The following PPP1R12B variants were observed in gnomAD, a reference collection of about 807,000 sequenced individuals.
PPP1R12B encodes myosin phosphatase target subunit 2.
Under a neutral mutation model 126.1 loss-of-function variants are expected in PPP1R12B, and 76 were observed. The ratio of observed to expected loss-of-function variants is 0.60; its 90% CI spans 0.50 to 0.73. The LOEUF is 0.73. PPP1R12B is among the 30% of genes least tolerant of loss of function. PPP1R12B has a pLI of 0.00. For synonymous variants in PPP1R12B, 356 were observed against 434.7 expected, an observed-to-expected ratio of 0.82 and a Z score of 2.25; for missense variants, 1,052 against 1,205.1, an observed-to-expected ratio of 0.87 and a Z score of 1.88.
chr1:202,388,225 C>T (rs1370221436), intron 1 of PPP1R12B, among the ~76,000 whole-genome samples: 7 of 151,996 alleles, frequency 4.6e-5, no homozygotes, highest in Admixed American at 2.0e-4. Flanking sequence ...ACTCTGTCAC[C>T]GAGGCTGAAG....
chr1:202,439,165 G>A, intron 10 of PPP1R12B: 1 of 1,578,366 alleles, frequency 6.3e-7, no homozygotes, highest in Non-Finnish European at 8.7e-7. Context: ...TGAACAACCT[G>A]GCGGCCTCGC....
intron 1 of PPP1R12B, among the ~76,000 whole-genome samples, chr1:202,397,338 T>C (rs1177991488): frequency 6.6e-6 from 1 of 152,220 alleles, no homozygotes; most frequent in African/African-American, 2.4e-5. Context: ...CCATGCTAAA[T>C]TTGTTTTTCT....
At chr1:202,439,940 C>G in intron 10 of PPP1R12B, 1 of 167,104 alleles carries the variant, frequency 6.0e-6, no homozygotes, top group Admixed American at 5.8e-5. Context: ...GCCTCCTACC[C>G]TGCAAAAAAA....
Position 202,583,174 on chromosome 1 carries a change from T to C in PPP1R12B, c.*2614T>C, listed in dbSNP as rs705752. 1 allele frequency: 152,041 copies of C among 152,288 alleles called. 75,897 individuals are homozygous for C. The highest frequency in any genetic ancestry group is 1 in the East Asian group (5,174 of 5,174). The allele number at this position is 152,288 out of a possible 1,614,324, so 9.4% of individuals were successfully genotyped here. A position where few individuals can be genotyped will look rare whatever the true frequency, so the allele number is the denominator to read the frequency against. Reference sequence around the variant, plus strand: ...GATTATCCTGGAACATTTTGAATATTGGGGAAGGAAGATGATACTTCTTTC... The same window carrying C: ...GATTATCCTGGAACATTTTGAATATCGGGGAAGGAAGATGATACTTCTTTC... On this transcript the variant is annotated 3_prime_UTR_variant, in exon 24 of 24. Transcript: ENST00000608999.
chr1:202,377,908 C>T (rs1227337137), intron 1 of PPP1R12B, among the ~76,000 whole-genome samples: 12 of 133,182 alleles, frequency 9.0e-5, no homozygotes, highest in Admixed American at 3.2e-4. Flanking sequence ...GGCGCGATCT[C>T]GGCTCACTGC....
chr1:202,468,003 T>C (rs1415218351), intron 13 of PPP1R12B, among the ~76,000 whole-genome samples: 18 of 152,256 alleles, frequency 1.2e-4, no homozygotes, highest in Admixed American at 6.5e-5. Flanking sequence ...CATGTGTTTT[T>C]TGGCTGCATA....
chr1:202,398,983 A>C (rs1665412459), intron 1 of PPP1R12B, among the ~76,000 whole-genome samples: 1 of 152,012 alleles, frequency 6.6e-6, no homozygotes, highest in African/African-American at 2.4e-5. Flanking sequence ...TACTAAACAT[A>C]TATATATATT....
chr1:202,532,201 C>T (rs1458028233), intron 18 of PPP1R12B, among the ~76,000 whole-genome samples: 1 of 152,154 alleles, frequency 6.6e-6, no homozygotes, highest in African/African-American at 2.4e-5. Flanking sequence ...TGTCTCTTAG[C>T]ATGCTGATAT....
rs771239626 is a variant in PPP1R12B, at chr1:202,425,594, A to G, written c.570A>G (p.Glu190=). 5 of 1,613,984 alleles carry G rather than the reference A, an allele frequency of 3.1e-6. No individual in the cohort carries two copies. Among genetic ancestry groups the G allele is most frequent in the Non-Finnish European group, 2.5e-6 (3 of 1,179,854 alleles). The change falls in exon 4 of 24, where the codon GAA becomes GAG. Residue 190 remains glutamate, a synonymous_variant. Transcript: ENST00000608999. ...QGVDLEQSRK[E]EEQQMLQDAR... is the part of the protein sequence containing the mutation. Reference sequence around the variant, plus strand: ...TTGATCTAGAGCAGTCAAGAAAAGAAGAAGAGCAGCAGATGTTGCAGGATG... The same window carrying G: ...TTGATCTAGAGCAGTCAAGAAAAGAGGAAGAGCAGCAGATGTTGCAGGATG...
At chr1:202,436,311 T>G (rs1572008809) in intron 9 of PPP1R12B, among the ~76,000 whole-genome samples, 1 of 152,048 alleles carries the variant, frequency 6.6e-6, no homozygotes, top group East Asian at 1.9e-4. Flanking sequence ...CACATTCTAC[T>G]TTGCTAAAAT....
chr1:202,393,201 A>T (rs1285476109), intron 1 of PPP1R12B, among the ~76,000 whole-genome samples: 3 of 152,040 alleles, frequency 2.0e-5, no homozygotes, highest in Non-Finnish European at 4.4e-5. Context: ...ACCTACCTTG[A>T]TCTCCCAAAG....
intron 18 of PPP1R12B, among the ~76,000 whole-genome samples, chr1:202,552,885 T>G (rs1572483551): frequency 6.6e-6 from 1 of 152,210 alleles, no homozygotes. Context: ...GGTAGGAGTT[T>G]GGTTTTAATT....
At chr1:202,399,757 A>G (rs569760802) in intron 1 of PPP1R12B, among the ~76,000 whole-genome samples, 1 of 152,220 alleles carries the variant, frequency 6.6e-6, no homozygotes, top group African/African-American at 2.4e-5. Flanking sequence ...CAGCCTCCCA[A>G]AGTGCTGGGA....
chr1:202,431,848 T>C (rs1670230658), intron 8 of PPP1R12B, among the ~76,000 whole-genome samples: 1 of 152,164 alleles, frequency 6.6e-6, no homozygotes, highest in Non-Finnish European at 1.5e-5. Context: ...CACAAAGAAT[T>C]CTTAGGTGAA....
intron 13 of PPP1R12B, among the ~76,000 whole-genome samples, chr1:202,476,572 A>G (rs1270136663): frequency 6.6e-6 from 1 of 151,610 alleles, no homozygotes; most frequent in African/African-American, 2.4e-5. Flanking sequence ...AGTTCCAGCA[A>G]CTCGGGAGGC....
Position 202,508,482 on chromosome 1 carries a change from T to A in PPP1R12B, c.2490+11660T>A, listed in dbSNP as rs573953636. ...CTAGCATAATACATAATACAAGTAC[T>A]TATTATGGTCTTGGAGCTTATAGCT... is the stretch of plus-strand genomic sequence containing the variant. On this transcript the variant is annotated intron_variant, in intron 18 of 23. Coordinates refer to ENST00000608999, the MANE Select transcript of PPP1R12B (RefSeq NM_002481.4). The surrounding 1 kb of genome is among the most constrained non-coding windows in gnomAD (Gnocchi z 4.5). 6.6e-6 allele frequency among the ~76,000 whole-genome samples: 1 copy of A among 152,314 alleles called. No individual in the cohort carries two copies. The highest frequency in any genetic ancestry group is 1.9e-4 in the East Asian group (1 of 5,184).
intron 23 of PPP1R12B, among the ~76,000 whole-genome samples, chr1:202,570,804 C>T (rs1489631943): frequency 6.6e-6 from 1 of 152,194 alleles, no homozygotes; most frequent in Non-Finnish European, 1.5e-5. Flanking sequence ...ACTACAGGCA[C>T]GTGCCGCCAC....
At chr1:202,576,869 T>G (rs1281727072) in intron 23 of PPP1R12B, 1 of 150,768 alleles carries the variant, frequency 6.6e-6, no homozygotes, top group Non-Finnish European at 1.5e-5. Flanking sequence ...TTGCCCAAGG[T>G]CACTCCGAGA....
intron 18 of PPP1R12B, among the ~76,000 whole-genome samples, chr1:202,510,846 C>A (rs1474507970): frequency 6.8e-6 from 1 of 147,234 alleles, no homozygotes; most frequent in Non-Finnish European, 1.5e-5. Flanking sequence ...TTATCCAATA[C>A]AAGTTTTATT....
Sources: allele counts gnomAD v4.1 joint callset (sites outside exome capture counted in the v4.1 genomes callset), GRCh38; gene constraint gnomAD v4.1.1; non-coding constraint Gnocchi (gnomAD v3.1); transcripts MANE v1.5; gene names NCBI Gene and HGNC (gene_info 2026-07-23, HGNC 2026-07-21).